Variants in NPEPL1 observed in about 807,000 individuals in gnomAD.
The protein encoded by NPEPL1 is aminopeptidase like 1, also known as probable aminopeptidase NPEPL1.
NPEPL1 carries 45 observed loss-of-function variants against 52.4 expected under a neutral mutation model. That is an observed-to-expected ratio of 0.86 (90% confidence interval 0.68 to 1.10). The LOEUF (loss-of-function observed/expected upper bound fraction) is 1.10. Among genes scored for constraint, NPEPL1 ranks in the 50% least tolerant of loss-of-function variants. NPEPL1 has a pLI of 0.00. For synonymous variants in NPEPL1, 360 were observed against 314.7 expected (o/e 1.14, Z -1.52); for missense variants, 696 against 710.9 (o/e 0.98, Z 0.24).
rs1310807666 is a variant in NPEPL1 at position 58,713,292 on chromosome 20, G to A, written c.1002-128G>A. The A allele has an allele frequency of 2.4e-6, 3 of 1,256,624 alleles. No homozygotes were observed. Among genetic ancestry groups the A allele is most frequent in the African/African-American group, 1.5e-5 (1 of 66,296 alleles). 77.8% of individuals were successfully genotyped at this position (1,256,624 alleles called of 1,614,324 possible). On this transcript the variant is annotated intron_variant, in intron 8 of 11. Transcript: ENST00000356091. The surrounding 1 kb of genome is among the most constrained non-coding windows in gnomAD (Gnocchi z 4.6). ...GGGCATCCCGGCCTTCCCATTCAGGGAACGTGTTGGGGTTCGGGGAGCCAC... is the reference window on the plus strand; with the variant it reads ...GGGCATCCCGGCCTTCCCATTCAGGAAACGTGTTGGGGTTCGGGGAGCCAC...
chr20:58,715,239 G>A lies in NPEPL1; in HGVS notation c.1485G>A (p.Leu495=). ...ALFGRASEDP[L]LNLVSPLGCE... is the part of the protein sequence containing the mutation. ...TCGGCCGTGCCTCTGAGGACCCTCT[G>A]CTGAACCTGGTGTCCCCACTGGGCT... Residue 495 remains leucine (L), a synonymous_variant, in exon 12 of 12, where the codon CTG becomes CTA. Coordinates refer to ENST00000356091, the MANE Select transcript of NPEPL1 (RefSeq NM_024663.4). 5 of 1,610,052 alleles carry A rather than the reference G, an allele frequency of 3.1e-6. No homozygotes were observed. The highest frequency in any genetic ancestry group is 4.2e-6 in the Non-Finnish European group (5 of 1,179,130).
intron 7 of NPEPL1, among the ~76,000 whole-genome samples, chr20:58,707,886 C>T (rs560563241): frequency 3.3e-5 from 5 of 152,264 alleles, no homozygotes; most frequent in Admixed American, 6.5e-5. Flanking sequence ...CAAGACTACC[C>T]ATAGCAACCT....
upstream of NPEPL1, among the ~76,000 whole-genome samples, chr20:58,689,769 C>T (rs2084316428): frequency 6.6e-6 from 1 of 152,144 alleles, no homozygotes; most frequent in African/African-American, 2.4e-5. Context: ...TACTGTTCTA[C>T]TTGCTTCCCC....
chr20:58,714,752 G>A (rs1169269894), intron 11 of NPEPL1, 82 bp downstream of exon 11: 2 of 1,114,168 alleles, frequency 1.8e-6, no homozygotes, highest in East Asian at 5.2e-5. Context: ...GGAGCTGCTG[G>A]CAGAGCTCAT....
chr20:58,704,013 A>G (rs1183832828), intron 6 of NPEPL1: 1 of 985,298 alleles, frequency 1.0e-6, no homozygotes, highest in South Asian at 4.7e-5. Context: ...TCCCCGCTGC[A>G]GTTGGAACCG....
Position 58,715,662 on chromosome 20 carries a change from T to A in NPEPL1, c.*336T>A. On this transcript the variant is annotated 3_prime_UTR_variant, in exon 12 of 12. Transcript: ENST00000356091. The stretch of plus-strand genomic sequence containing the variant: ...AGCCCCAGGTCCTGTGCAGGGCACC[T>A]GCGTGGCTGACAGCCAGGCTCTTAC... The A allele has an allele frequency of 5.2e-6, 1 of 193,824 alleles. No homozygotes were observed. The highest frequency in any genetic ancestry group is 1.0e-5 in the Non-Finnish European group (1 of 95,598). 12.0% of individuals were successfully genotyped at this position (193,824 alleles called of 1,614,324 possible).
At position 58,713,891 on chromosome 20, in the gene NPEPL1, C is replaced by T. The variant is rs368484537; in HGVS notation, c.1126-26C>T. On this transcript the variant is annotated intron_variant, in intron 9 of 11. Transcript: ENST00000356091. The surrounding 1 kb of genome is among the most constrained non-coding windows in gnomAD (Gnocchi z 4.6). Reference sequence around the variant, plus strand: ...TTTCTCTCCTGCCGTCCCGTCCACACGCTTCCCGGGTTCCTGCCCGCCCAG... The same window carrying T: ...TTTCTCTCCTGCCGTCCCGTCCACATGCTTCCCGGGTTCCTGCCCGCCCAG... 100 of 1,442,504 alleles carry T rather than the reference C, an allele frequency of 6.9e-5. No homozygotes were observed. In the African/African-American group the frequency reaches 9.9e-4, roughly 14 times the overall value. The allele number at this position is 1,442,504 out of a possible 1,614,324, so 89.4% of individuals were successfully genotyped here.
intron 7 of NPEPL1, 123 bp from the exon 8 acceptor site, chr20:58,712,356 C>T: frequency 1.5e-6 from 1 of 676,116 alleles, no homozygotes; most frequent in African/African-American, 1.8e-5. Flanking sequence ...AGCTTTGGTC[C>T]CTGCAACTTG....
intron 6 of NPEPL1, chr20:58,703,667 C>G: frequency 2.0e-6 from 2 of 985,358 alleles, no homozygotes; most frequent in Non-Finnish European, 2.4e-6. Flanking sequence ...AATATCGTTG[C>G]ACCTGACTTC....
At chr20:58,703,351 A>G in intron 6 of NPEPL1, 1 of 470,198 alleles carries the variant, frequency 2.1e-6, no homozygotes, top group Non-Finnish European at 2.8e-6. Flanking sequence ...CTTTGTTCAG[A>G]GATACCGGCA....
At chr20:58,705,615 T>C in intron 6 of NPEPL1, 1 of 442,054 alleles carries the variant, frequency 2.3e-6, no homozygotes, top group Non-Finnish European at 4.6e-6. Context: ...CTTAAATCAC[T>C]GCGAAAATGG....
At chr20:58,689,233 A>G (rs1279070305), upstream of NPEPL1, 1 of 151,558 alleles carries the variant, frequency 6.6e-6, no homozygotes, top group Non-Finnish European at 1.5e-5. Context: ...TTTTATGCGC[A>G]CTTTATATCT....
chr20:58,710,395 G>A (rs953092303), intron 7 of NPEPL1, among the ~76,000 whole-genome samples: 2 of 151,976 alleles, frequency 1.3e-5, no homozygotes, highest in African/African-American at 4.8e-5. Flanking sequence ...GAAATGTTTT[G>A]AACTTTTTAG....
chr20:58,690,304 G>T (rs753746898), upstream of NPEPL1, among the ~76,000 whole-genome samples: 1 of 152,214 alleles, frequency 6.6e-6, no homozygotes, highest in African/African-American at 2.4e-5. Context: ...TTTTTGGGTT[G>T]CATTAAAGAT....
Position 58,715,465 on chromosome 20 carries a change from A to C in NPEPL1, c.*139A>C. 1 of 929,642 alleles carries C rather than the reference A, an allele frequency of 1.1e-6. No individual in the cohort carries two copies. The highest frequency in any genetic ancestry group is 1.9e-5 in the South Asian group (1 of 52,382). The allele number at this position is 929,642 out of a possible 1,614,324, so 57.6% of individuals were successfully genotyped here. ...TCAGCGTGGTGGTGGAAACAGCTGA[A>C]GTTTTAGGAGACAGCTTAGGGTTTG... is the stretch of plus-strand genomic sequence containing the variant. On this transcript the variant is annotated 3_prime_UTR_variant, in exon 12 of 12. Coordinates refer to ENST00000356091, the MANE Select transcript of NPEPL1 (RefSeq NM_024663.4).
rs1175229929 is a variant in NPEPL1 at position 58,693,840 on chromosome 20, G to A, written c.254G>A (p.Arg85Gln). Residue 85 changes from arginine (R) to glutamine (Q), a missense_variant, in exon 2 of 12, where the codon CGG becomes CAG. Arg to Gln is a conservative substitution (Grantham distance 43). Coordinates refer to ENST00000356091, the MANE Select transcript of NPEPL1 (RefSeq NM_024663.4). The part of the protein sequence containing the change: ...TVAALPCRVS[R>Q]HNSPSAAHFI... ...GCTGCCCTGCCCTGCAGGGTGAGCC[G>A]GCACAACAGCCCCTCGGCCGCCCAC... 1.2e-6 allele frequency: 2 copies of A among 1,613,676 alleles called. No homozygotes were observed. The highest frequency in any genetic ancestry group is 1.7e-6 in the Non-Finnish European group (2 of 1,179,806).
rs144196118 is a variant in NPEPL1, at chr20:58,703,572, G to A, written c.822+2414G>A. On this transcript the variant is annotated intron_variant, in intron 6 of 11. Transcript: ENST00000356091. ...GGATCAGATGCTTGTTTTTGATGTCGGCTTGTTGTGGACCAATGTGAGAAG... is the reference window on the plus strand; with the variant it reads ...GGATCAGATGCTTGTTTTTGATGTCAGCTTGTTGTGGACCAATGTGAGAAG... 484 of 985,164 alleles carry A rather than the reference G, an allele frequency of 4.9e-4. 2 individuals are homozygous for A. The highest frequency in any genetic ancestry group is 4.2e-3 in the African/African-American group (242 of 57,244). The allele number at this position is 985,164 out of a possible 1,614,324, so 61.0% of individuals were successfully genotyped here.
rs756046082 is a variant in NPEPL1, at chr20:58,715,119, T to C, written c.1414-49T>C. 9.7e-6 allele frequency: 15 copies of C among 1,550,530 alleles called. No homozygotes were observed. The African/African-American group carries it at 1.5e-4, about 16-fold the overall frequency. On this transcript the variant is annotated intron_variant, in intron 11 of 11. Coordinates refer to ENST00000356091, the MANE Select transcript of NPEPL1 (RefSeq NM_024663.4). The stretch of plus-strand genomic sequence containing the variant: ...GTGAGGGGTCCCCAGGAACCCCTCC[T>C]GTGCTGCAGCCCCACGCCCAGAGTC...
At chr20:58,703,830 G>T in intron 6 of NPEPL1, 1 of 984,878 alleles carries the variant, frequency 1.0e-6, no homozygotes, top group Non-Finnish European at 1.2e-6. Flanking sequence ...TGGTAGAACT[G>T]CCAGAGAGTA....
Sources: gnomAD v4.1 joint callset for allele counts (sites outside exome capture counted in the v4.1 genomes callset) on GRCh38, gnomAD v4.1.1 for gene constraint, Gnocchi (gnomAD v3.1) non-coding constraint, MANE v1.5 for transcripts, NCBI Gene and HGNC (gene_info 2026-07-23, HGNC 2026-07-21) for gene names.